Variants in ITSN2 observed in about 807,000 individuals in gnomAD.
The protein encoded by ITSN2 is intersectin 2.
ITSN2 carries 156 observed loss-of-function variants against 243.7 expected under a neutral mutation model. The ratio of observed to expected loss-of-function variants is 0.64; its 90% CI spans 0.56 to 0.73. The LOEUF (loss-of-function observed/expected upper bound fraction) is 0.73, where lower values mean the gene tolerates loss of function less well. Among genes scored for constraint, ITSN2 ranks in the 30% least tolerant of loss-of-function variants. The pLI is 0.00. For synonymous variants in ITSN2, 703 were observed against 699.9 expected, an observed-to-expected ratio of 1.00 and a Z score of -0.07; for missense variants, 1,801 against 1,996.1, an observed-to-expected ratio of 0.90 and a Z score of 1.86.
At chr2:24,306,416 A>G (rs1053654609) in intron 8 of ITSN2, among the ~76,000 whole-genome samples, 25 of 152,288 alleles carry the variant, frequency 1.6e-4, no homozygotes, top group Admixed American at 4.6e-4. Flanking sequence ...ATCACCATTA[A>G]TTAGGTTTCC....
intron 1 of ITSN2, among the ~76,000 whole-genome samples, chr2:24,355,867 C>T (rs1247609813): frequency 6.6e-6 from 1 of 151,998 alleles, no homozygotes; most frequent in Non-Finnish European, 1.5e-5. Context: ...GAATTCCAGA[C>T]CAGCCTGGCC....
chr2:24,341,963 T>G (rs553889958), intron 1 of ITSN2, among the ~76,000 whole-genome samples: 1 of 152,060 alleles, frequency 6.6e-6, no homozygotes, highest in Non-Finnish European at 1.5e-5. Context: ...AAAAAAGAAA[T>G]AAAGATTTAA....
intron 1 of ITSN2, among the ~76,000 whole-genome samples, chr2:24,357,561 C>T (rs1366432021): frequency 6.6e-6 from 1 of 152,020 alleles, no homozygotes; most frequent in Non-Finnish European, 1.5e-5. Context: ...TGTAACAAAC[C>T]TGTACGTTCT....
At chr2:24,267,360 T>C (rs1486079202) in intron 20 of ITSN2, among the ~76,000 whole-genome samples, 3 of 147,002 alleles carry the variant, frequency 2.0e-5, no homozygotes, top group Non-Finnish European at 4.5e-5. Context: ...GTTCTGCACA[T>C]GTATCCCAGA....
At chr2:24,304,771 A>G (rs78371521) in intron 8 of ITSN2, among the ~76,000 whole-genome samples, 6,572 of 151,898 alleles carry the variant, frequency 0.043, 160 homozygotes, top group Middle Eastern at 0.068. Flanking sequence ...CAGAAGAGAG[A>G]AGGAGGAGGA....
chr2:24,330,450 G>T, intron 1 of ITSN2: 1 of 644,234 alleles, frequency 1.6e-6, no homozygotes, highest in Non-Finnish European at 2.9e-6. Flanking sequence ...TAAAGCCAAG[G>T]TGAAGAACGA....
At chr2:24,273,134 C>G (rs889496692) in intron 18 of ITSN2, among the ~76,000 whole-genome samples, 7 of 152,188 alleles carry the variant, frequency 4.6e-5, no homozygotes, top group Non-Finnish European at 1.0e-4. Context: ...ATCTCGAAAT[C>G]CTGGATAATT....
chr2:24,291,809 A>G (rs1680295844), intron 15 of ITSN2, among the ~76,000 whole-genome samples: 1 of 152,156 alleles, frequency 6.6e-6, no homozygotes, highest in Non-Finnish European at 1.5e-5. Context: ...TTTATTCATA[A>G]CAATGTATAT....
Position 24,299,890 on chromosome 2 carries a change from TA to T in ITSN2, c.1344+18del, listed in dbSNP as rs1258061623. On this transcript the variant is annotated intron_variant, in intron 12 of 39. Coordinates refer to ENST00000355123, the MANE Select transcript of ITSN2 (RefSeq NM_006277.3). ...TAAATGTAATGATTTTCTTAAGAAG[TA>T]AAAAACTTAAAAATAACCTCTCGTC... 1 of 1,564,034 alleles carries T rather than the reference TA, an allele frequency of 6.4e-7. No individual in the cohort carries two copies. Among genetic ancestry groups the T allele is most frequent in the East Asian group, 2.2e-5 (1 of 44,446 alleles).
Position 24,210,931 on chromosome 2 carries a change from G to A in ITSN2, c.4106C>T (p.Pro1369Leu), listed in dbSNP as rs369978184. Residue 1369 changes from proline (P) to leucine (L), a missense_variant, in exon 34 of 40, where the codon CCG becomes CTG. Physicochemically the swap from Pro to Leu is moderately conservative, Grantham distance 98. Coordinates refer to ENST00000355123, the MANE Select transcript of ITSN2 (RefSeq NM_006277.3). Reference sequence around the variant, plus strand: ...GGAGGAATGGTCTGCATGGCTCTCCGGGGTGTTCTCCAGAATCTGGAAAAG... The same window carrying A: ...GGAGGAATGGTCTGCATGGCTCTCCAGGGTGTTCTCCAGAATCTGGAAAAG... ...LLIRSILENT[P>L]ESHADHSSLK... 42 of 1,614,064 alleles carry A rather than the reference G, an allele frequency of 2.6e-5. No homozygotes were observed. Among genetic ancestry groups the A allele is most frequent in the Non-Finnish European group, 3.2e-5 (38 of 1,180,024 alleles).
At chr2:24,357,032 T>C (rs940801018) in intron 1 of ITSN2, among the ~76,000 whole-genome samples, 2 of 152,182 alleles carry the variant, frequency 1.3e-5, no homozygotes, top group Non-Finnish European at 2.9e-5. Flanking sequence ...TTGCTGGGAA[T>C]GTAAATTGGT....
intron 1 of ITSN2, among the ~76,000 whole-genome samples, chr2:24,336,814 T>G (rs185667173): frequency 2.0e-5 from 3 of 152,196 alleles, no homozygotes; most frequent in African/African-American, 7.2e-5. Flanking sequence ...TTTACCTCCA[T>G]ATGCCTGGTT....
intron 1 of ITSN2, among the ~76,000 whole-genome samples, chr2:24,341,308 C>T (rs905162463): frequency 1.9e-4 from 29 of 152,146 alleles, no homozygotes; most frequent in Admixed American, 1.7e-3. Flanking sequence ...ACCCAGATTT[C>T]GTAGTCATTA....
chr2:24,203,442 T>A lies in ITSN2; in HGVS notation c.*184A>T. The A allele has an allele frequency of 3.4e-6, 2 of 590,098 alleles. No homozygotes were observed. The highest frequency in any genetic ancestry group is 5.1e-5 in the South Asian group (2 of 39,482). 36.6% of individuals were successfully genotyped at this position (590,098 alleles called of 1,614,324 possible). A position where few individuals can be genotyped will look rare whatever the true frequency, so the allele number is the denominator to read the frequency against. ...CACTGTACTATGGGGTTTGGTTTCT[T>A]TATGGGAAAGGTGTTTGCATAGATT... On this transcript the variant is annotated 3_prime_UTR_variant, in exon 40 of 40. Transcript: ENST00000355123.
At position 24,301,976 on chromosome 2, in the gene ITSN2, A is replaced by G; in HGVS notation, c.984T>C (p.Pro328=). The G allele has an allele frequency of 6.2e-7, 1 of 1,609,040 alleles. No homozygotes were observed. Among genetic ancestry groups the G allele is most frequent in the Non-Finnish European group, 8.5e-7 (1 of 1,177,308 alleles). ...LPLTLPPELV[P]PSFRGGKQID... Reference sequence around the variant, plus strand: ...CCAGGCACACTCACCTGAAAGATGGAGGAACAAGCTCAGGAGGTAAAGTCA... The same window carrying G: ...CCAGGCACACTCACCTGAAAGATGGGGGAACAAGCTCAGGAGGTAAAGTCA... The change falls in exon 10 of 40, where the codon CCT becomes CCC. Residue 328 remains proline (P), a synonymous_variant. Coordinates refer to ENST00000355123, the MANE Select transcript of ITSN2 (RefSeq NM_006277.3).
rs752297346 is a variant in ITSN2 at position 24,208,264 on chromosome 2, T to TCTC, written c.4648_4650dup (p.Glu1550dup). ...TGGTAAGCTTTCTCACGCTTCTTCT[T>TCTC]CTCGGTGTCGATGTACTGCTCAGAC... On this transcript the variant is annotated inframe_insertion, in exon 37 of 40. Transcript: ENST00000355123. The TCTC allele has an allele frequency of 1.7e-5, 27 of 1,612,330 alleles. No individual in the cohort carries two copies. The African/African-American group carries it at 3.5e-4, about 21-fold the overall frequency.
intron 1 of ITSN2, among the ~76,000 whole-genome samples, chr2:24,347,614 A>C (rs570108204): frequency 2.6e-5 from 4 of 152,294 alleles, no homozygotes; most frequent in Non-Finnish European, 5.9e-5. Flanking sequence ...TGAACCCAGA[A>C]GGCGTAGGTT....
At chr2:24,231,452 AC>A (rs1325717975) in intron 29 of ITSN2, among the ~76,000 whole-genome samples, 1 of 152,190 alleles carries the variant, frequency 6.6e-6, no homozygotes, top group African/African-American at 2.4e-5. Flanking sequence ...TTTTTGGTAG[AC>A]AAGAAGAGTG....
At chr2:24,297,563 C>A (rs577112699) in intron 13 of ITSN2, among the ~76,000 whole-genome samples, 1 of 151,876 alleles carries the variant, frequency 6.6e-6, no homozygotes, top group South Asian at 2.1e-4. Flanking sequence ...TTTTTCCAAG[C>A]AAATCTTGAG....
Sources: gnomAD v4.1 joint callset for allele counts (sites outside exome capture counted in the v4.1 genomes callset) on GRCh38, gnomAD v4.1.1 for gene constraint, MANE v1.5 for transcripts, NCBI Gene and HGNC (gene_info 2026-07-23, HGNC 2026-07-21) for gene names.